The following HMGB1 variants were observed in gnomAD, a reference collection of about 807,000 sequenced individuals.
The protein encoded by HMGB1 is high mobility group protein B1.
For missense variants in HMGB1, 79 were observed against 253.5 expected, an observed-to-expected ratio of 0.31 and a Z score of 4.67; for synonymous variants, 81 against 84.0, an observed-to-expected ratio of 0.96 and a Z score of 0.19.
chr13:30,612,196 TACACATACACATATATACATACGC>T (rs1302416285), intron 1 of HMGB1, among the ~76,000 whole-genome samples: 25 of 152,100 alleles, frequency 1.6e-4, no homozygotes, highest in African/African-American at 5.1e-4. Flanking sequence ...TATATACATA[TACACATACACATATATACATACGC>T]ACACATACAC....
intron 1 of HMGB1, among the ~76,000 whole-genome samples, chr13:30,606,112 T>C (rs1021282802): frequency 2.0e-5 from 3 of 152,248 alleles, no homozygotes; most frequent in Admixed American, 6.5e-5. Context: ...CTATTAATAA[T>C]GATGACTGTT....
chr13:30,463,110 T>C (rs1886463357), intron 3 of HMGB1, 97 bp downstream of exon 3: 2 of 1,195,896 alleles, frequency 1.7e-6, no homozygotes, highest in Non-Finnish European at 2.4e-6. Flanking sequence ...ACTTTGATTG[T>C]ACATTTACAC....
rs1231635229 is a variant in HMGB1 at position 30,506,845 on chromosome 13, C to T, written c.-14-43151G>A. 2.6e-5 allele frequency among the ~76,000 whole-genome samples: 4 copies of T among 152,154 alleles called. No homozygotes were observed. In the East Asian group the frequency reaches 7.7e-4, roughly 29 times the overall value. ...ACAGCTGTGTGGGTATCACCCTCTC[C>T]CAGTGGCAGAGGCTGTCTTATTTCT... On this transcript the variant is annotated intron_variant, in intron 1 of 4. Transcript: ENST00000405805.
intron 1 of HMGB1, among the ~76,000 whole-genome samples, chr13:30,598,743 T>C (rs1330159192): frequency 6.6e-6 from 1 of 152,204 alleles, no homozygotes; most frequent in African/African-American, 2.4e-5. Context: ...GACGACTCTT[T>C]TAAAATGGTC....
intron 1 of HMGB1, among the ~76,000 whole-genome samples, chr13:30,498,225 C>G (rs2137449135): frequency 1.3e-5 from 2 of 152,252 alleles, no homozygotes; most frequent in South Asian, 4.1e-4. Flanking sequence ...GAGGCTGAAG[C>G]AGGACAATCA....
At position 30,527,820 on chromosome 13, in the gene HMGB1, G is replaced by T. The variant is rs74757927; in HGVS notation, c.-14-64126C>A. On this transcript the variant is annotated intron_variant, in intron 1 of 4. Transcript: ENST00000405805. The stretch of plus-strand genomic sequence containing the variant: ...AAGGTCATATAGCCAAATGTTTAGT[G>T]AAGTCAAGGTTCAAAGTCAAACTCT... 7.4e-3 allele frequency among the ~76,000 whole-genome samples: 1,120 copies of T among 152,212 alleles called. 14 individuals carry two copies. Among genetic ancestry groups the T allele is most frequent in the African/African-American group, 0.022 (900 of 41,520 alleles).
chr13:30,496,750 T>C (rs1359276111), intron 1 of HMGB1, among the ~76,000 whole-genome samples: 1 of 152,206 alleles, frequency 6.6e-6, no homozygotes, highest in Admixed American at 6.5e-5. Context: ...TCTTGAAACT[T>C]GGAGTCATTT....
At chr13:30,481,356 G>A (rs746439160) in intron 1 of HMGB1, among the ~76,000 whole-genome samples, 2 of 152,074 alleles carry the variant, frequency 1.3e-5, no homozygotes, top group African/African-American at 2.4e-5. Context: ...GCTGGAGAGC[G>A]GAAGCCAATG....
Position 30,602,260 on chromosome 13 carries a change from T to C in HMGB1, c.-15+14411A>G, listed in dbSNP as rs144071198. 1.5e-4 allele frequency among the ~76,000 whole-genome samples: 23 copies of C among 152,262 alleles called. No homozygotes were observed. In the East Asian group the frequency reaches 3.7e-3, roughly 24 times the overall value. ...CATGTCATCGGGGACACCAGCCCCATGGTCTCAGACATGTCCCTGAGGCCC... is the reference window on the plus strand; with the variant it reads ...CATGTCATCGGGGACACCAGCCCCACGGTCTCAGACATGTCCCTGAGGCCC... On this transcript the variant is annotated intron_variant, in intron 1 of 4. Transcript: ENST00000405805.
At chr13:30,479,670 G>A (rs1476456305) in intron 1 of HMGB1, among the ~76,000 whole-genome samples, 1 of 152,030 alleles carries the variant, frequency 6.6e-6, no homozygotes, top group Admixed American at 6.6e-5. Context: ...TGTCACCTTG[G>A]GCAAAGTGAA....
chr13:30,538,634 T>TC (rs1231633142), intron 1 of HMGB1, among the ~76,000 whole-genome samples: 24 of 125,262 alleles, frequency 1.9e-4, no homozygotes, highest in African/African-American at 6.3e-4. Context: ...TCTTTCTTTT[T>TC]CTTTCTTCCT....
At chr13:30,465,654 C>T in intron 1 of HMGB1, 142 bp downstream of exon 1, 1 of 235,820 alleles carries the variant, frequency 4.2e-6, no homozygotes, top group Non-Finnish European at 6.9e-6. Context: ...TCGCTCCGTG[C>T]GCAGTTCCCC....
chr13:30,559,705 CA>C lies in HMGB1; in HGVS notation c.-15+56965del, dbSNP rs150906054. ...TGCTCAACTAAGGCATAACTGAACT[CA>C]AGATTTACAAAAATGTATTTCAGCC... On this transcript the variant is annotated intron_variant, in intron 1 of 4. Transcript: ENST00000405805. The surrounding 1 kb of genome is among the most constrained non-coding windows in gnomAD (Gnocchi z 6.6). Among the ~76,000 whole-genome samples the C allele has an allele frequency of 0.022, 3,318 of 152,162 alleles. 104 individuals carry two copies. The highest frequency in any genetic ancestry group is 0.07 in the African/African-American group (2,897 of 41,500).
At chr13:30,613,503 T>C (rs781764796) in intron 1 of HMGB1, among the ~76,000 whole-genome samples, 4 of 152,374 alleles carry the variant, frequency 2.6e-5, no homozygotes, top group South Asian at 4.1e-4. Context: ...ACATCACTCA[T>C]TGCTGTTTTC....
At chr13:30,529,032 A>C (rs1026906929) in intron 1 of HMGB1, among the ~76,000 whole-genome samples, 239 of 109,022 alleles carry the variant, frequency 2.2e-3, no homozygotes, top group African/African-American at 7.9e-3. Flanking sequence ...GCGTCTCAAA[A>C]AAAAAAAAAA....
chr13:30,575,308 C>T (rs558855733), intron 1 of HMGB1, among the ~76,000 whole-genome samples: 1 of 152,128 alleles, frequency 6.6e-6, no homozygotes, highest in African/African-American at 2.4e-5. Flanking sequence ...TCAGTAAGTA[C>T]TGATGAGGAT....
intron 1 of HMGB1, among the ~76,000 whole-genome samples, chr13:30,596,900 C>T (rs535740985): frequency 1.3e-5 from 2 of 152,282 alleles, no homozygotes; most frequent in Admixed American, 1.3e-4. Context: ...CTTGACTGAA[C>T]CTCATTACAC....
intron 1 of HMGB1, among the ~76,000 whole-genome samples, chr13:30,526,683 G>A (rs1271835355): frequency 1.3e-5 from 2 of 152,188 alleles, no homozygotes; most frequent in African/African-American, 4.8e-5. Context: ...CCTTGATATG[G>A]GGAGACAGCA....
rs199509698 is a variant in HMGB1 at position 30,558,467 on chromosome 13, A to T, written c.-15+58204T>A. Among the ~76,000 whole-genome samples, 101 of 152,318 alleles carry T rather than the reference A, an allele frequency of 6.6e-4. 2 individuals carry two copies. The South Asian group carries it at 0.016, about 24-fold the overall frequency. ...CCAAGACCTCAGCAGAAAATTTTTTAAAAAAATAACTGAAATGAAAACATA... is the reference window on the plus strand; with the variant it reads ...CCAAGACCTCAGCAGAAAATTTTTTTAAAAAATAACTGAAATGAAAACATA... On this transcript the variant is annotated intron_variant, in intron 1 of 4. Coordinates refer to the HMGB1 transcript ENST00000405805.
Sources: allele counts gnomAD v4.1 joint callset (sites outside exome capture counted in the v4.1 genomes callset), GRCh38; gene constraint gnomAD v4.1.1; non-coding constraint Gnocchi (gnomAD v3.1); transcripts MANE v1.5; gene names NCBI Gene and HGNC (gene_info 2026-07-23, HGNC 2026-07-21).